Variants in HIPK1 observed in about 807,000 individuals in gnomAD.
The protein encoded by HIPK1 is homeodomain interacting protein kinase 1, also known as homeodomain-interacting protein kinase 1.
HIPK1 carries 28 observed loss-of-function variants against 117.1 expected under a neutral mutation model. The observed-to-expected ratio is 0.24, with a 90% confidence interval of 0.18 to 0.33. HIPK1 has a LOEUF of 0.33. HIPK1 is among the 10% of genes least tolerant of loss of function. The pLI is 1.00. For synonymous variants in HIPK1, 605 were observed against 562.5 expected (o/e 1.08, Z -1.07); for missense variants, 1,122 against 1,475.1 (o/e 0.76, Z 3.92).
intron 8 of HIPK1, among the ~76,000 whole-genome samples, chr1:113,958,611 C>G (rs933529602): frequency 6.6e-6 from 1 of 152,134 alleles, no homozygotes; most frequent in Non-Finnish European, 1.5e-5. Flanking sequence ...TATGCAAAAT[C>G]TATACAACTT....
intron 1 of HIPK1, among the ~76,000 whole-genome samples, chr1:113,931,076 G>T (rs1669860856): frequency 6.6e-6 from 1 of 151,918 alleles, no homozygotes; most frequent in South Asian, 2.1e-4. Flanking sequence ...CGCTCTTGAT[G>T]AAATAGGGTT....
At chr1:113,937,464 T>C (rs1670328016) in intron 1 of HIPK1, among the ~76,000 whole-genome samples, 1 of 145,976 alleles carries the variant, frequency 6.9e-6, no homozygotes, top group Non-Finnish European at 1.5e-5. Context: ...GGGAAGACAT[T>C]AAAAAAAAAA....
In HIPK1 at chr1:113,977,633, T is replaced by G. The variant is rs1345715274; in HGVS notation, c.*4121T>G. On this transcript the variant is annotated 3_prime_UTR_variant, in exon 16 of 16. Transcript: ENST00000426820. Reference sequence around the variant, plus strand: ...AACAAAAGAAATAGATATTTAAAATTTAATACTAACTATGGGAAAAGGGTC... The same window carrying G: ...AACAAAAGAAATAGATATTTAAAATGTAATACTAACTATGGGAAAAGGGTC... The G allele has an allele frequency of 6.5e-6, 1 of 152,672 alleles. No individual in the cohort carries two copies. The highest frequency in any genetic ancestry group is 1.5e-5 in the Non-Finnish European group (1 of 68,034). 9.5% of individuals were successfully genotyped at this position (152,672 alleles called of 1,614,324 possible).
intron 2 of HIPK1, among the ~76,000 whole-genome samples, chr1:113,942,405 T>G (rs1346425485): frequency 1.3e-5 from 2 of 152,222 alleles, no homozygotes; most frequent in East Asian, 3.8e-4. Flanking sequence ...TTTACTTATT[T>G]GTAATGAATC....
intron 2 of HIPK1, chr1:113,951,404 G>A (rs1671355036): frequency 5.4e-6 from 2 of 370,566 alleles, no homozygotes; most frequent in South Asian, 1.1e-4. Context: ...TGTGACTCTA[G>A]GCCAATAACT....
intron 2 of HIPK1, among the ~76,000 whole-genome samples, chr1:113,947,958 T>C (rs1487381912): frequency 4.6e-5 from 7 of 152,218 alleles, no homozygotes; most frequent in Non-Finnish European, 1.0e-4. Context: ...AGAGTAATTA[T>C]CTAACTCTGT....
intron 7 of HIPK1, 141 bp from the exon 8 acceptor site, chr1:113,957,925 A>C (rs1420140030): frequency 1.5e-6 from 1 of 658,366 alleles, no homozygotes; most frequent in Non-Finnish European, 2.6e-6. Context: ...GAAGTTTCTT[A>C]AGCAGAGAGT....
chr1:113,957,739 C>G (rs997575643), intron 7 of HIPK1, among the ~76,000 whole-genome samples: 1 of 152,092 alleles, frequency 6.6e-6, no homozygotes, highest in Non-Finnish European at 1.5e-5. Context: ...AGTTTCTTGG[C>G]TGGGTCTACT....
chr1:113,937,641 A>G (rs1193175189), intron 1 of HIPK1, among the ~76,000 whole-genome samples: 2 of 152,192 alleles, frequency 1.3e-5, no homozygotes, highest in East Asian at 3.8e-4. Flanking sequence ...GAAGAGCAAG[A>G]CAGAGATGGT....
intron 14 of HIPK1, among the ~76,000 whole-genome samples, chr1:113,971,400 A>G (rs531415823): frequency 1.3e-4 from 20 of 152,334 alleles, no homozygotes; most frequent in Admixed American, 5.2e-4. Flanking sequence ...AACAAGATAG[A>G]ATTTTGCCTT....
At chr1:113,965,310 A>C (rs1672376026) in intron 10 of HIPK1, among the ~76,000 whole-genome samples, 1 of 152,162 alleles carries the variant, frequency 6.6e-6, no homozygotes, top group Non-Finnish European at 1.5e-5. Context: ...AAAATGCCAG[A>C]ATTTCTGTGA....
At chr1:113,930,710 G>T (rs565766017) in intron 1 of HIPK1, 1 of 152,466 alleles carries the variant, frequency 6.6e-6, no homozygotes, top group Admixed American at 6.5e-5. Context: ...GTCTCCAGGA[G>T]CGTTGGTCTA....
rs955387858 is a variant in HIPK1 at position 113,929,426 on chromosome 1, A to G, written c.-109A>G. On this transcript the variant is annotated 5_prime_UTR_variant, in exon 1 of 16. Transcript: ENST00000426820. ...GAAGTCCAGGCCCCGCACTCGATCC[A>G]CGCTGGCTCCCTACGGAGGCCCACC... 5.4e-6 allele frequency: 7 copies of G among 1,289,178 alleles called. No individual in the cohort carries two copies. The African/African-American group carries it at 9.1e-5, about 17-fold the overall frequency. 79.9% of individuals were successfully genotyped at this position (1,289,178 alleles called of 1,614,324 possible).
At chr1:113,943,996 T>G (rs1235845959) in intron 2 of HIPK1, among the ~76,000 whole-genome samples, 1 of 151,890 alleles carries the variant, frequency 6.6e-6, no homozygotes, top group African/African-American at 2.4e-5. Flanking sequence ...TATTATTTTA[T>G]TTTTTGTGGC....
chr1:113,969,918 A>G, intron 13 of HIPK1, 38 bp from the exon 14 acceptor site: 1 of 1,611,122 alleles, frequency 6.2e-7, no homozygotes, highest in Non-Finnish European at 8.5e-7. Context: ...CACACAAAAA[A>G]GAACAATTCA....
Position 113,966,186 on chromosome 1 carries a change from G to T in HIPK1, c.2295G>T (p.Leu765Phe). The T allele has an allele frequency of 2.5e-6, 4 of 1,613,848 alleles. No homozygotes were observed. The highest frequency in any genetic ancestry group is 3.4e-6 in the Non-Finnish European group (4 of 1,179,914). ...TCCTGCCTTCAACTTGGCAACAGTT[G>T]CCTGGGGTAGCTCTACACAACTCTG... ...QILLPSTWQQLPGVALHNSVQ... is the reference protein window; with the variant it reads ...QILLPSTWQQFPGVALHNSVQ... The change falls in exon 11 of 16, where the codon TTG becomes TTT. Residue 765 changes from leucine to phenylalanine, a missense_variant. By Grantham distance (22) the Leu-to-Phe change is conservative. Around this residue, in one of 6 missense-constraint regions of HIPK1, gnomAD observed 731 missense variants for 860.4 expected, o/e 0.85. Transcript: ENST00000426820.
chr1:113,963,639 T>A, intron 10 of HIPK1, 118 bp downstream of exon 10: 1 of 1,246,334 alleles, frequency 8.0e-7, no homozygotes, highest in Non-Finnish European at 1.1e-6. Context: ...AAAAATTTTT[T>A]AGCTTAGTCT....
chr1:113,944,032 G>T (rs1406037856), intron 2 of HIPK1, among the ~76,000 whole-genome samples: 3 of 151,644 alleles, frequency 2.0e-5, no homozygotes, highest in Non-Finnish European at 4.4e-5. Flanking sequence ...GTCTCATTTT[G>T]TTGCCCAATC....
At chr1:113,968,199 A>C (rs1672582278) in intron 12 of HIPK1, among the ~76,000 whole-genome samples, 1 of 152,208 alleles carries the variant, frequency 6.6e-6, no homozygotes. Flanking sequence ...TACAGAGTGA[A>C]ATTTAATCCT....
Sources: allele counts gnomAD v4.1 joint callset (sites outside exome capture counted in the v4.1 genomes callset), GRCh38; gene constraint gnomAD v4.1.1; regional missense constraint gnomAD v4.1.1; transcripts MANE v1.5; gene names NCBI Gene and HGNC (gene_info 2026-07-23, HGNC 2026-07-21).